The following SLC5A5 variants were observed in gnomAD, a reference collection of about 807,000 sequenced individuals.
The protein encoded by SLC5A5 is sodium/iodide cotransporter.
In SLC5A5, 56 loss-of-function variants were observed where a neutral mutation model predicts 68.6. That is an observed-to-expected ratio of 0.82 (90% confidence interval 0.66 to 1.02). The LOEUF (loss-of-function observed/expected upper bound fraction) is 1.02, where lower values mean the gene tolerates loss of function less well. Among genes scored for constraint, SLC5A5 ranks in the 50% least tolerant of loss-of-function variants. The probability of loss-of-function intolerance (pLI) is 0.00; values close to 1 mark genes in which losing one functional copy is unlikely to be tolerated. For synonymous variants in SLC5A5, 398 were observed against 373.0 expected, an observed-to-expected ratio of 1.07 and a Z score of -0.77; for missense variants, 807 against 859.8, an observed-to-expected ratio of 0.94 and a Z score of 0.77.
intron 13 of SLC5A5, among the ~76,000 whole-genome samples, chr19:17,890,086 T>C (rs2030105641): frequency 6.6e-6 from 1 of 152,100 alleles, no homozygotes; most frequent in East Asian, 1.9e-4. Flanking sequence ...TTTTGTTTTT[T>C]TGAGATGGAG....
At chr19:17,888,240 G>A in intron 12 of SLC5A5, 91 bp from the exon 13 acceptor site, 2 of 1,510,488 alleles carry the variant, frequency 1.3e-6, no homozygotes, top group South Asian at 1.1e-5. Flanking sequence ...TGGCAGTTGG[G>A]GGAAGGAAGC....
At chr19:17,878,463 C>T (rs142316567) in intron 7 of SLC5A5, among the ~76,000 whole-genome samples, 1 of 151,750 alleles carries the variant, frequency 6.6e-6, no homozygotes, top group African/African-American at 2.4e-5. Context: ...GGAGATCGCA[C>T]CACTACACTC....
In SLC5A5 at chr19:17,881,818, G is replaced by A. The variant is rs1414775444; in HGVS notation, c.1059-142G>A. ...GGGATGTCTCAGGTCTTCGGGGAGG[G>A]GAGGGGCAAATATCTCCTTCACCTT... is the stretch of plus-strand genomic sequence containing the variant. On this transcript the variant is annotated intron_variant, in intron 8 of 14. Coordinates refer to ENST00000222248, the MANE Select transcript of SLC5A5 (RefSeq NM_000453.3). The A allele has an allele frequency of 5.6e-6, 4 of 709,868 alleles. No individual in the cohort carries two copies. The African/African-American group carries it at 7.0e-5, about 12-fold the overall frequency. The allele number at this position is 709,868 out of a possible 1,614,324, so 44.0% of individuals were successfully genotyped here.
At position 17,878,173 on chromosome 19, in the gene SLC5A5, CA is replaced by C. The variant is rs139520482; in HGVS notation, c.969+81del. 5.0e-3 allele frequency: 7,544 copies of C among 1,500,904 alleles called. 345 individuals carry two copies. The African/African-American group carries it at 0.092, about 18-fold the overall frequency. 93.0% of individuals were successfully genotyped at this position (1,500,904 alleles called of 1,614,324 possible). A position where few individuals can be genotyped will look rare whatever the true frequency, so the allele number is the denominator to read the frequency against. On this transcript the variant is annotated intron_variant, in intron 7 of 14. Transcript: ENST00000222248. ...GATTGAGGTCGAAGAGCATTCCTAG[CA>C]GAGGGAATGGCCTGTGCAAAGGCCA... is the stretch of plus-strand genomic sequence containing the variant.
intron 2 of SLC5A5, 68 bp from the exon 3 acceptor site, chr19:17,874,426 C>A: frequency 6.8e-7 from 1 of 1,464,920 alleles, no homozygotes; most frequent in Non-Finnish European, 9.6e-7. Context: ...CACCCTTCTG[C>A]CTCCTCTCCC....
chr19:17,880,856 TCTCCC>T lies in SLC5A5; in HGVS notation c.970-7_970-3del. On this transcript the variant is annotated splice_region_variant and splice_polypyrimidine_tract_variant and intron_variant, in intron 7 of 14. Transcript: ENST00000222248. ...GCTGTCTGGGAGGCTGACCCCCAGTTCTCCCCAGTACATGCCTCTGCTGGTGCTGG... is the reference window on the plus strand; with the variant it reads ...GCTGTCTGGGAGGCTGACCCCCAGTTCAGTACATGCCTCTGCTGGTGCTGG... The T allele has an allele frequency of 1.2e-6, 2 of 1,609,772 alleles. No homozygotes were observed. Among genetic ancestry groups the T allele is most frequent in the Non-Finnish European group, 1.7e-6 (2 of 1,176,836 alleles).
rs925267754 is a variant in SLC5A5 at position 17,895,038 on chromosome 19, A to C, written c.*1161A>C. The C allele has an allele frequency of 6.6e-6, 1 of 151,974 alleles. No individual in the cohort carries two copies. The highest frequency in any genetic ancestry group is 2.4e-5 in the African/African-American group (1 of 41,350). The allele number at this position is 151,974 out of a possible 1,614,324, so 9.4% of individuals were successfully genotyped here. A position where few individuals can be genotyped will look rare whatever the true frequency, so the allele number is the denominator to read the frequency against. On this transcript the variant is annotated 3_prime_UTR_variant, in exon 15 of 15. Coordinates refer to ENST00000222248, the MANE Select transcript of SLC5A5 (RefSeq NM_000453.3). ...GGAGAACCCAAGGATTGCCAGCAAC[A>C]ACCAGAAATCAGGAGGGGGGCATGA...
rs1275235723 is a variant in SLC5A5, at chr19:17,877,964, G to A, written c.840G>A (p.Leu280=). ...AGCCTGAGGCTGCCTCTTCCCCCAG[G>A]GCCCTGCTCATCAACCAGGTCGGCC... The part of the protein sequence containing the change: ...VACRTEKQAK[L]ALLINQVGLF... Residue 280 remains leucine (L), a splice_region_variant and synonymous_variant, in exon 7 of 15, where the codon CTG becomes CTA. Transcript: ENST00000222248. 3 of 1,613,516 alleles carry A rather than the reference G, an allele frequency of 1.9e-6. No individual in the cohort carries two copies. The highest frequency in any genetic ancestry group is 2.5e-6 in the Non-Finnish European group (3 of 1,180,016).
At chr19:17,888,152 G>A (rs1222183348) in intron 12 of SLC5A5, among the ~76,000 whole-genome samples, 179 bp from the exon 13 acceptor site, 1 of 152,054 alleles carries the variant, frequency 6.6e-6, no homozygotes, top group African/African-American at 2.4e-5. Flanking sequence ...CTAGGGTGGG[G>A]ATGGGATACC....
chr19:17,878,295 A>G (rs146405195), intron 7 of SLC5A5, among the ~76,000 whole-genome samples: 2,017 of 152,234 alleles, frequency 0.013, 43 homozygotes, highest in African/African-American at 0.045. Flanking sequence ...ACCTGAGGTC[A>G]GGAGTTTGAG....
At chr19:17,881,359 T>C (rs2094320366) in intron 8 of SLC5A5, among the ~76,000 whole-genome samples, 1 of 151,888 alleles carries the variant, frequency 6.6e-6, no homozygotes. Context: ...CTCCACCTCC[T>C]GGGTTCAAGC....
Position 17,874,419 on chromosome 19 carries a change from C to T in SLC5A5, c.424-75C>T, listed in dbSNP as rs1257520738. On this transcript the variant is annotated intron_variant, in intron 2 of 14. Transcript: ENST00000222248. ...TGCCCCGCCCATATTCTGGGACCAC[C>T]CTTCTGCCTCCTCTCCCCATCCCCA... The T allele has an allele frequency of 4.2e-6, 6 of 1,422,384 alleles. No individual in the cohort carries two copies. In the East Asian group the frequency reaches 6.8e-5, roughly 16 times the overall value. 88.1% of individuals were successfully genotyped at this position (1,422,384 alleles called of 1,614,324 possible). A position where few individuals can be genotyped will look rare whatever the true frequency, so the allele number is the denominator to read the frequency against.
chr19:17,878,117 T>A, intron 7 of SLC5A5, 24 bp downstream of exon 7: 2 of 1,607,458 alleles, frequency 1.2e-6, no homozygotes, highest in Non-Finnish European at 1.7e-6. Context: ...AGGCTCCTGG[T>A]TGGCTCTGCA....
chr19:17,892,551 C>T (rs968967774), intron 14 of SLC5A5, among the ~76,000 whole-genome samples: 16 of 151,488 alleles, frequency 1.1e-4, no homozygotes, highest in African/African-American at 3.9e-4. Context: ...GCAGGAGAAT[C>T]GATTGAACTC....
At position 17,883,859 on chromosome 19, in the gene SLC5A5, G is replaced by C; in HGVS notation, c.1339G>C (p.Ala447Pro). The C allele has an allele frequency of 6.3e-7, 1 of 1,591,968 alleles. No individual in the cohort carries two copies. The highest frequency in any genetic ancestry group is 8.5e-7 in the Non-Finnish European group (1 of 1,170,362). Residue 447 changes from alanine (A) to proline (P), a missense_variant, in exon 12 of 15, where the codon GCG (alanine) becomes CCG (proline). Transcript: ENST00000222248. Reference sequence around the variant, plus strand: ...CCGGCTCTGCCCCCAGGGCGTCCTCGCGGGACTAGGCGCGGGCTTGGCGCT... The same window carrying C: ...CCGGCTCTGCCCCCAGGGCGTCCTCCCGGGACTAGGCGCGGGCTTGGCGCT... ...LPACNTPGVLAGLGAGLALSL... is the reference protein window; with the variant it reads ...LPACNTPGVLPGLGAGLALSL...
At position 17,876,201 on chromosome 19, in the gene SLC5A5, G is replaced by A. The variant is rs1463365007; in HGVS notation, c.698+95G>A. On this transcript the variant is annotated intron_variant, in intron 5 of 14. Transcript: ENST00000222248. ...TCCCAGCACTTTGGGAGGCCGAGGCGGGCAGATCACTTGAGCTCAGGAGTT... is the reference window on the plus strand; with the variant it reads ...TCCCAGCACTTTGGGAGGCCGAGGCAGGCAGATCACTTGAGCTCAGGAGTT... 2.7e-5 allele frequency: 36 copies of A among 1,310,828 alleles called. 1 individual carries two copies. The highest frequency in any genetic ancestry group is 9.6e-5 in the East Asian group (4 of 41,866). 81.2% of individuals were successfully genotyped at this position (1,310,828 alleles called of 1,614,324 possible). A position where few individuals can be genotyped will look rare whatever the true frequency, so the allele number is the denominator to read the frequency against.
Position 17,890,876 on chromosome 19 carries a change from C to T in SLC5A5, c.1652-10C>T, listed in dbSNP as rs773886009. The stretch of plus-strand genomic sequence containing the variant: ...ATGCCTGGATTTCTCCATTTCTCCC[C>T]GCCTCTCAGGCCCCACCAAGCGCAG... On this transcript the variant is annotated splice_polypyrimidine_tract_variant and intron_variant, in intron 13 of 14. Transcript: ENST00000222248. The T allele has an allele frequency of 1.3e-5, 21 of 1,597,234 alleles. No individual in the cohort carries two copies. The highest frequency in any genetic ancestry group is 1.2e-4 in the Admixed American group (7 of 59,928).
chr19:17,891,037 G>A (rs1261840430), intron 14 of SLC5A5, 36 bp downstream of exon 14: 1 of 1,349,676 alleles, frequency 7.4e-7, no homozygotes, highest in African/African-American at 1.4e-5. Context: ...TCTAGAGGCA[G>A]CCAAGTGACT....
intron 14 of SLC5A5, 125 bp from the exon 15 acceptor site, chr19:17,893,588 A>G: frequency 1.1e-6 from 1 of 911,066 alleles, no homozygotes; most frequent in Middle Eastern, 3.3e-4. Context: ...GCAAGGGGAT[A>G]GTATGCAATT....
Sources: allele counts gnomAD v4.1 joint callset (sites outside exome capture counted in the v4.1 genomes callset), GRCh38; gene constraint gnomAD v4.1.1; transcripts MANE v1.5; gene names NCBI Gene and HGNC (gene_info 2026-07-23, HGNC 2026-07-21).